Variants in LRP2 observed in about 807,000 individuals in gnomAD.
The protein encoded by LRP2 is LDL receptor related protein 2, also known as low-density lipoprotein receptor-related protein 2.
In LRP2, 172 loss-of-function variants were observed where a neutral mutation model predicts 531.0. The observed-to-expected ratio is 0.32, with a 90% CI of 0.29 to 0.37. The LOEUF (loss-of-function observed/expected upper bound fraction) is 0.37. Among genes scored for constraint, LRP2 ranks in the 10% least tolerant of loss-of-function variants. The pLI is 1.00. For synonymous variants in LRP2, 1,992 were observed against 2,027.6 expected, an observed-to-expected ratio of 0.98 and a Z score of 0.47; for missense variants, 5,167 against 5,868.3, an observed-to-expected ratio of 0.88 and a Z score of 3.90.
At chr2:169,235,573 G>A (rs1400761185) in intron 29 of LRP2, among the ~76,000 whole-genome samples, 1 of 152,150 alleles carries the variant, frequency 6.6e-6, no homozygotes, top group Non-Finnish European at 1.5e-5. Flanking sequence ...AGAAGCAACA[G>A]ATTCACATCT....
chr2:169,259,670 A>G (rs1308235891), intron 16 of LRP2, among the ~76,000 whole-genome samples: 3 of 151,984 alleles, frequency 2.0e-5, no homozygotes, highest in Non-Finnish European at 4.4e-5. Context: ...TTCCACAGCC[A>G]CAAAGTTGCC....
chr2:169,353,159 T>C (rs1685897946), intron 1 of LRP2, among the ~76,000 whole-genome samples: 1 of 152,194 alleles, frequency 6.6e-6, no homozygotes, highest in South Asian at 2.1e-4. Context: ...TATGTCAAGT[T>C]TGGGGAGCTA....
chr2:169,180,458 A>G lies in LRP2; in HGVS notation c.10169+990T>C, dbSNP rs551465723. The stretch of plus-strand genomic sequence containing the variant: ...CAATGAGAATGCTAAAGGCTACCTT[A>G]GTGTAGCAAATGAACCAGTTCAACA... On this transcript the variant is annotated intron_variant, in intron 52 of 78. Transcript: ENST00000649046. 3.2e-4 allele frequency among the ~76,000 whole-genome samples: 49 copies of G among 152,372 alleles called. 1 individual carries two copies. In the South Asian group the frequency reaches 0.01, roughly 32 times the overall value.
chr2:169,271,454 G>T (rs1488950891), intron 15 of LRP2, among the ~76,000 whole-genome samples: 1 of 151,974 alleles, frequency 6.6e-6, no homozygotes, highest in Admixed American at 6.6e-5. Flanking sequence ...CATGGCACAT[G>T]TATACATATG....
At chr2:169,168,774 C>T in intron 60 of LRP2, 98 bp from the exon 61 acceptor site, 1 of 1,320,584 alleles carries the variant, frequency 7.6e-7, no homozygotes. Context: ...CCATTATAGC[C>T]TGCTCTTCTT....
At chr2:169,235,743 G>A in intron 29 of LRP2, 97 bp downstream of exon 29, 1 of 924,992 alleles carries the variant, frequency 1.1e-6, no homozygotes, top group East Asian at 2.6e-5. Flanking sequence ...CAATGTCTAT[G>A]ACACAAAAAT....
chr2:169,186,352 T>G (rs939119355), intron 49 of LRP2, among the ~76,000 whole-genome samples: 1 of 152,158 alleles, frequency 6.6e-6, no homozygotes, highest in Non-Finnish European at 1.5e-5. Context: ...AGTGTGACTG[T>G]TCACACCATG....
chr2:169,314,001 C>T (rs1684690862), intron 3 of LRP2, among the ~76,000 whole-genome samples: 1 of 152,168 alleles, frequency 6.6e-6, no homozygotes, highest in South Asian at 2.1e-4. Flanking sequence ...GCTTCTTTTA[C>T]TTATATGTAG....
intron 68 of LRP2, among the ~76,000 whole-genome samples, chr2:169,147,346 A>C (rs1459018785): frequency 2.6e-5 from 4 of 152,178 alleles, no homozygotes; most frequent in Admixed American, 6.5e-5. Context: ...TTCTATCTTC[A>C]TGGAGCTACT....
Position 169,279,428 on chromosome 2 carries a change from G to T in LRP2, c.1509C>A (p.Thr503=), listed in dbSNP as rs894605554. Residue 503 remains threonine (T), a synonymous_variant, in exon 12 of 79, where the codon ACC becomes ACA. Transcript: ENST00000649046. ...GATGCCCCAAGTTTTCAGTTATAAG[G>T]GTAACCCGATAGCTTCCATCCAAAT... ...MVNLDGSYRV[T]LITENLGHPR... 6.2e-7 allele frequency: 1 copy of T among 1,613,960 alleles called. No individual in the cohort carries two copies. The highest frequency in any genetic ancestry group is 1.7e-4 in the Middle Eastern group (1 of 6,058).
intron 20 of LRP2, 40 bp downstream of exon 20, chr2:169,247,338 C>CAAAAAAATA: frequency 6.2e-7 from 1 of 1,609,234 alleles, no homozygotes; most frequent in East Asian, 2.2e-5. Context: ...ATAAATAAAC[C>CAAAAAAATA]CATACAAAAA....
chr2:169,309,877 G>C (rs190186234), intron 3 of LRP2, among the ~76,000 whole-genome samples: 4 of 152,236 alleles, frequency 2.6e-5, no homozygotes, highest in Admixed American at 2.6e-4. Flanking sequence ...TCCTTCATTT[G>C]TTTGTGTCCT....
At chr2:169,266,694 A>G (rs536473209) in intron 16 of LRP2, among the ~76,000 whole-genome samples, 4 of 152,034 alleles carry the variant, frequency 2.6e-5, no homozygotes, top group South Asian at 4.1e-4. Flanking sequence ...TTTTATTACT[A>G]TTACAAACCA....
chr2:169,176,294 C>G, intron 54 of LRP2, 117 bp downstream of exon 54: 2 of 1,157,770 alleles, frequency 1.7e-6, no homozygotes, highest in Non-Finnish European at 2.5e-6. Context: ...CCACATGAAC[C>G]AAGTTAATTA....
At chr2:169,362,299 G>C in intron 1 of LRP2, 22 bp downstream of exon 1, 1 of 1,545,802 alleles carries the variant, frequency 6.5e-7, no homozygotes. Context: ...GGCTCCACGA[G>C]AGGCTCTGGC....
chr2:169,337,823 G>T (rs1279668798), intron 1 of LRP2, among the ~76,000 whole-genome samples: 3 of 152,144 alleles, frequency 2.0e-5, no homozygotes, highest in Non-Finnish European at 2.9e-5. Context: ...AAACAGACTT[G>T]AGGCCAGGTA....
At chr2:169,215,015 C>T (rs1036964958) in intron 35 of LRP2, among the ~76,000 whole-genome samples, 5 of 152,142 alleles carry the variant, frequency 3.3e-5, no homozygotes, top group African/African-American at 1.2e-4. Context: ...CACTAACAAG[C>T]ACGTAGATTT....
Position 169,185,810 on chromosome 2 carries a change from G to A in LRP2, c.9538C>T (p.Pro3180Ser), listed in dbSNP as rs991867469. ...CCATCTGGTTCTCGGAGGTAGCCTG[G>A]GGCACACTTACAGATGTAGGAGCCT... ...VIGSYICKCA[P>S]GYLREPDGKT... Residue 3180 changes from proline (P) to serine (S), a missense_variant, in exon 50 of 79, where the codon CCA becomes TCA. Coordinates refer to ENST00000649046, the MANE Select transcript of LRP2 (RefSeq NM_004525.3). 2 of 1,613,378 alleles carry A rather than the reference G, an allele frequency of 1.2e-6. No homozygotes were observed. The highest frequency in any genetic ancestry group is 1.3e-5 in the African/African-American group (1 of 74,764).
chr2:169,212,312 T>C lies in LRP2; in HGVS notation c.6041-105A>G, dbSNP rs1357205885. 9 of 1,429,012 alleles carry C rather than the reference T, an allele frequency of 6.3e-6. No individual in the cohort carries two copies. The East Asian group carries it at 1.4e-4, about 22-fold the overall frequency. The allele number at this position is 1,429,012 out of a possible 1,614,324, so 88.5% of individuals were successfully genotyped here. On this transcript the variant is annotated intron_variant, in intron 36 of 78. Transcript: ENST00000649046. ...CCAAATAATTTATTCTAAAAATTAA[T>C]AACCAACATATAGTAGCTGAGTTAG...
Sources: gnomAD v4.1 joint callset for allele counts (sites outside exome capture counted in the v4.1 genomes callset) on GRCh38, gnomAD v4.1.1 for gene constraint, MANE v1.5 for transcripts, NCBI Gene and HGNC (gene_info 2026-07-23, HGNC 2026-07-21) for gene names.